Variants in AGO2 observed in about 807,000 individuals in gnomAD.
The protein encoded by AGO2 is argonaute RISC catalytic component 2.
AGO2 carries 5 observed loss-of-function variants against 102.3 expected under a neutral mutation model. That is an observed-to-expected ratio of 0.05 (90% confidence interval 0.03 to 0.10). The LOEUF (loss-of-function observed/expected upper bound fraction) is 0.10. AGO2 is among the 10% of genes least tolerant of loss of function. The probability of loss-of-function intolerance (pLI) is 1.00; values close to 1 mark genes in which losing one functional copy is unlikely to be tolerated. For missense variants in AGO2, 541 were observed against 1,183.7 expected (o/e 0.46, Z 7.97); for synonymous variants, 449 against 473.1 (o/e 0.95, Z 0.66).
At chr8:140,586,364 G>A (rs941202011) in intron 1 of AGO2, among the ~76,000 whole-genome samples, 26 of 152,158 alleles carry the variant, frequency 1.7e-4, no homozygotes, top group African/African-American at 5.8e-4. Context: ...GTGGTGGCAC[G>A]TGCCTGTAGT....
At position 140,567,344 on chromosome 8, in the gene AGO2, G is replaced by C. The variant is rs913837732; in HGVS notation, c.337-4710C>G. ...GCAGGAGGCACATGGCTCTCCAAGG[G>C]ACAGGCACCGTGTGCGTCTGGGCTG... is the stretch of plus-strand genomic sequence containing the variant. On this transcript the variant is annotated intron_variant, in intron 3 of 18. Transcript: ENST00000220592. This position sits in a 1 kb window ranked among gnomAD's most constrained non-coding sequence, Gnocchi z 5.0. 5.3e-5 allele frequency among the ~76,000 whole-genome samples: 8 copies of C among 152,232 alleles called. No individual in the cohort carries two copies. Among genetic ancestry groups the C allele is most frequent in the African/African-American group, 1.9e-4 (8 of 41,468 alleles).
chr8:140,604,700 G>C (rs377432514), intron 1 of AGO2, among the ~76,000 whole-genome samples: 1 of 151,730 alleles, frequency 6.6e-6, no homozygotes, highest in Non-Finnish European at 1.5e-5. Flanking sequence ...GGTGGCGGGT[G>C]CCTGTAGTCC....
chr8:140,626,409 C>T (rs558135327), intron 1 of AGO2: 12 of 152,324 alleles, frequency 7.9e-5, no homozygotes, highest in Non-Finnish European at 1.3e-4. Flanking sequence ...GAGGAACGCC[C>T]GCCCTACTGC....
At chr8:140,572,643 A>C in intron 3 of AGO2, 169 bp downstream of exon 3, 1 of 933,612 alleles carries the variant, frequency 1.1e-6, no homozygotes. Context: ...GCCACAACAC[A>C]GAGAAGGTAG....
chr8:140,574,609 C>A (rs1264435855), intron 2 of AGO2, among the ~76,000 whole-genome samples: 11 of 151,988 alleles, frequency 7.2e-5, no homozygotes, highest in Non-Finnish European at 1.5e-4. Context: ...AAATGCCTGC[C>A]CTCGCACACT....
At position 140,528,721 on chromosome 8, in the gene AGO2, A is replaced by G. The variant is rs1452205372; in HGVS notation, c.*3323T>C. 6.6e-6 allele frequency: 1 copy of G among 152,186 alleles called. No homozygotes were observed. The highest frequency in any genetic ancestry group is 1.5e-5 in the Non-Finnish European group (1 of 68,034). 9.4% of individuals were successfully genotyped at this position (152,186 alleles called of 1,614,324 possible). A position where few individuals can be genotyped will look rare whatever the true frequency, so the allele number is the denominator to read the frequency against. ...CAGAGAAAACCAAAACTTAAGGAAA[A>G]CGATCCCTTTCTAAAAGTACAGCTA... On this transcript the variant is annotated 3_prime_UTR_variant, in exon 19 of 19. Transcript: ENST00000220592. This position sits in a 1 kb window ranked among gnomAD's most constrained non-coding sequence, Gnocchi z 4.5.
At position 140,538,684 on chromosome 8, in the gene AGO2, C is replaced by T. The variant is rs150783216; in HGVS notation, c.2169+636G>A. ...GTTTGCACCACTCTGCCAATTCTTA[C>T]GACTGCACAGCTCCATGCTGTGGTT... On this transcript the variant is annotated intron_variant, in intron 16 of 18. Coordinates refer to ENST00000220592, the MANE Select transcript of AGO2 (RefSeq NM_012154.5). 3.3e-5 allele frequency among the ~76,000 whole-genome samples: 5 copies of T among 152,336 alleles called. No homozygotes were observed. In the East Asian group the frequency reaches 9.6e-4, roughly 29 times the overall value.
At chr8:140,535,312 G>A (rs539170123) in intron 17 of AGO2, 156 bp downstream of exon 17, 72 of 588,058 alleles carry the variant, frequency 1.2e-4, no homozygotes, top group South Asian at 7.9e-4. Flanking sequence ...CCACCCCAGC[G>A]CCTGGCACAG....
At chr8:140,625,980 A>G (rs1024049462) in intron 1 of AGO2, among the ~76,000 whole-genome samples, 32 of 152,360 alleles carry the variant, frequency 2.1e-4, no homozygotes, top group African/African-American at 7.5e-4. Context: ...ACGAAGCAGC[A>G]GCACGCACAG....
At chr8:140,541,827 C>A (rs905251360) in intron 14 of AGO2, among the ~76,000 whole-genome samples, 5 of 151,998 alleles carry the variant, frequency 3.3e-5, no homozygotes, top group Non-Finnish European at 5.9e-5. Context: ...TGCTTGAACC[C>A]AGGAGGCGGA....
intron 10 of AGO2, among the ~76,000 whole-genome samples, chr8:140,554,977 G>A: frequency 6.6e-6 from 1 of 152,068 alleles, no homozygotes; most frequent in East Asian, 1.9e-4. Context: ...ACTGCGCCCA[G>A]CTCAGAACCC....
At position 140,549,691 on chromosome 8, in the gene AGO2, T is replaced by C. The variant is rs960029805; in HGVS notation, c.1404-393A>G. Among the ~76,000 whole-genome samples the C allele has an allele frequency of 4.6e-5, 7 of 152,248 alleles. No individual in the cohort carries two copies. The East Asian group carries it at 1.2e-3, about 25-fold the overall frequency. On this transcript the variant is annotated intron_variant, in intron 11 of 18. Coordinates refer to ENST00000220592, the MANE Select transcript of AGO2 (RefSeq NM_012154.5). ...GAGCTCTTGTGAAGCTCTCCCCACG[T>C]GCAGGCCAGGCACTGTCAGAGTGAG... is the stretch of plus-strand genomic sequence containing the variant.
At chr8:140,552,749 C>T (rs2073024065) in intron 10 of AGO2, among the ~76,000 whole-genome samples, 1 of 24,286 alleles carries the variant, frequency 4.1e-5, no homozygotes, top group Non-Finnish European at 6.6e-5. Flanking sequence ...CGCACACACA[C>T]ACACACACAC....
At chr8:140,618,836 G>T (rs1236652211) in intron 1 of AGO2, among the ~76,000 whole-genome samples, 12 of 151,574 alleles carry the variant, frequency 7.9e-5, no homozygotes, top group Non-Finnish European at 4.4e-5. Context: ...GAAAAGAAAA[G>T]AAAACATATT....
rs1446805415 is a variant in AGO2 at position 140,539,320 on chromosome 8, C to A, written c.2169G>T (p.Arg723=). Residue 723 remains arginine, a splice_region_variant and synonymous_variant, in exon 16 of 19, where the codon CGG becomes CGT. Coordinates refer to ENST00000220592, the MANE Select transcript of AGO2 (RefSeq NM_012154.5). The surrounding 1 kb of genome is among the most constrained non-coding windows in gnomAD (Gnocchi z 4.7). Reference sequence around the variant, plus strand: ...TGCCTGGAGTCATGCAGAAACTCACCCGCTCGTTCTTGTCAGTGCAGAAGA... The same window carrying A: ...TGCCTGGAGTCATGCAGAAACTCACACGCTCGTTCTTGTCAGTGCAGAAGA... The part of the protein sequence containing the change: ...TRLFCTDKNE[R]VGKSGNIPAG... The A allele has an allele frequency of 3.1e-6, 5 of 1,601,340 alleles. No homozygotes were observed. The highest frequency in any genetic ancestry group is 4.3e-6 in the Non-Finnish European group (5 of 1,172,200).
chr8:140,593,230 C>T (rs542314645), intron 1 of AGO2: 34 of 152,152 alleles, frequency 2.2e-4, no homozygotes, highest in Non-Finnish European at 4.4e-4. Flanking sequence ...GTCTCGCTGC[C>T]GCCCAGGCTG....
Position 140,633,511 on chromosome 8 carries a change from T to C in AGO2, c.22+1974A>G, listed in dbSNP as rs114388263. On this transcript the variant is annotated intron_variant, in intron 1 of 18. Coordinates refer to ENST00000220592, the MANE Select transcript of AGO2 (RefSeq NM_012154.5). ...AAGCAGCGAGTGACAGAAACGAGCC[T>C]GTGGATCATGAGGGCCAAGGTACGC... is the stretch of plus-strand genomic sequence containing the variant. 4.5e-3 allele frequency among the ~76,000 whole-genome samples: 679 copies of C among 152,288 alleles called. 4 individuals are homozygous for C. Among genetic ancestry groups the C allele is most frequent in the African/African-American group, 0.016 (663 of 41,536 alleles).
At chr8:140,566,583 T>C (rs778248415) in intron 3 of AGO2, among the ~76,000 whole-genome samples, 15 of 150,398 alleles carry the variant, frequency 1.0e-4, no homozygotes, top group Admixed American at 4.6e-4. Flanking sequence ...CTGCACTCAC[T>C]GGTTCCCCCC....
At chr8:140,587,694 T>C (rs978452741) in intron 1 of AGO2, among the ~76,000 whole-genome samples, 9 of 152,212 alleles carry the variant, frequency 5.9e-5, no homozygotes, top group African/African-American at 2.2e-4. Context: ...TGCACCAAGG[T>C]GTGGACCACA....
Sources: allele counts gnomAD v4.1 joint callset (sites outside exome capture counted in the v4.1 genomes callset), GRCh38; gene constraint gnomAD v4.1.1; non-coding constraint Gnocchi (gnomAD v3.1); transcripts MANE v1.5; gene names NCBI Gene and HGNC (gene_info 2026-07-23, HGNC 2026-07-21).